The following CAMK1D variants were observed in gnomAD, a reference collection of about 807,000 sequenced individuals.
CAMK1D encodes calcium/calmodulin dependent protein kinase ID, also known as calcium/calmodulin-dependent protein kinase type 1D.
In CAMK1D, 9 loss-of-function variants were observed where a neutral mutation model predicts 47.7. That is an observed-to-expected ratio of 0.19 (90% CI 0.11 to 0.33). CAMK1D has a LOEUF of 0.33. Among genes scored for constraint, CAMK1D ranks in the 10% least tolerant of loss-of-function variants. CAMK1D has a pLI of 1.00. For missense variants in CAMK1D, 291 were observed against 488.7 expected (o/e 0.60, Z 3.81); for synonymous variants, 184 against 184.9 (o/e 0.99, Z 0.04).
chr10:12,359,689 C>G (rs2724769), intron 1 of CAMK1D, among the ~76,000 whole-genome samples: 150,640 of 152,274 alleles, frequency 0.99, 74,528 homozygotes, highest in Non-Finnish European at 1. Context: ...TTGGAAAATT[C>G]CTTGTCTTTC....
chr10:12,666,819 C>T lies in CAMK1D; in HGVS notation c.299+9C>T. 3.7e-6 allele frequency: 6 copies of T among 1,606,996 alleles called. No homozygotes were observed. The highest frequency in any genetic ancestry group is 1.3e-5 in the African/African-American group (1 of 74,774). ...TACTTGGTCATGCAGCTGTAAGTAC[C>T]TTGTTTGATTGATGAGTTTTGAACC... is the stretch of plus-strand genomic sequence containing the variant. On this transcript the variant is annotated intron_variant, in intron 3 of 10. Coordinates refer to ENST00000619168, the MANE Select transcript of CAMK1D (RefSeq NM_153498.4).
intron 2 of CAMK1D, among the ~76,000 whole-genome samples, chr10:12,632,476 A>C (rs1839407696): frequency 6.6e-6 from 1 of 152,228 alleles, no homozygotes; most frequent in African/African-American, 2.4e-5. Flanking sequence ...CCATTGGAAG[A>C]AGCCTGGATT....
chr10:12,714,478 TG>T (rs1485324502), intron 3 of CAMK1D, among the ~76,000 whole-genome samples: 1 of 152,118 alleles, frequency 6.6e-6, no homozygotes, highest in East Asian at 1.9e-4. Flanking sequence ...CCCAGCACTT[TG>T]GGGGGCCAAG....
At chr10:12,563,673 GA>G (rs1588636491) in intron 2 of CAMK1D, among the ~76,000 whole-genome samples, 1 of 92,218 alleles carries the variant, frequency 1.1e-5, no homozygotes, top group Admixed American at 9.7e-5. Context: ...TTGAGAGAGA[GA>G]GAGAGAGAGA....
intron 3 of CAMK1D, among the ~76,000 whole-genome samples, chr10:12,674,599 C>CTTTTTTTTGTTTTTTT (rs1840736736): frequency 1.6e-5 from 1 of 63,472 alleles, no homozygotes; most frequent in Non-Finnish European, 2.8e-5. Flanking sequence ...TGGAAAAATG[C>CTTTTTTTTGTTTTTTT]TTTTTTTTTT....
chr10:12,411,883 T>C lies in CAMK1D; in HGVS notation c.92+61973T>C, dbSNP rs371671888. On this transcript the variant is annotated intron_variant, in intron 1 of 10. Transcript: ENST00000619168. The stretch of plus-strand genomic sequence containing the variant: ...TGCTGGGATTACAGGCATGAGCCAC[T>C]GTGCCCGGACAAGCCTACCTGGCTT... 1.1e-3 allele frequency among the ~76,000 whole-genome samples: 161 copies of C among 151,944 alleles called. 1 individual carries two copies. The highest frequency in any genetic ancestry group is 3.7e-3 in the African/African-American group (152 of 41,436).
At chr10:12,778,057 A>C (rs1285520723) in intron 5 of CAMK1D, among the ~76,000 whole-genome samples, 1 of 152,228 alleles carries the variant, frequency 6.6e-6, no homozygotes, top group Non-Finnish European at 1.5e-5. Context: ...AAATGTGTGA[A>C]TAAAGATGAG....
chr10:12,540,120 G>T (rs1836119533), intron 1 of CAMK1D, among the ~76,000 whole-genome samples: 3 of 151,190 alleles, frequency 2.0e-5, no homozygotes, highest in Non-Finnish European at 1.5e-5. Context: ...GGAGAGTTGG[G>T]GGTCTTGCTC....
chr10:12,774,481 C>T (rs902170133), intron 5 of CAMK1D, among the ~76,000 whole-genome samples: 1 of 152,090 alleles, frequency 6.6e-6, no homozygotes, highest in Non-Finnish European at 1.5e-5. Flanking sequence ...CGGAGAAGTC[C>T]TGAGCAGGGG....
intron 1 of CAMK1D, among the ~76,000 whole-genome samples, chr10:12,389,321 G>C (rs953490434): frequency 2.0e-5 from 3 of 152,186 alleles, no homozygotes; most frequent in African/African-American, 7.2e-5. Flanking sequence ...TCTGCCCATT[G>C]CTCTTGGGAC....
Position 12,831,480 on chromosome 10 carries a change from T to C in CAMK1D, c.*2593T>C, listed in dbSNP as rs1339200256. ...AGCATTTGAAGCTGAGTTCCATTAC[T>C]GGTGATTGAAGTATTTTCAGGAGCA... On this transcript the variant is annotated 3_prime_UTR_variant, in exon 11 of 11. Transcript: ENST00000619168. 1 of 152,266 alleles carries C rather than the reference T, an allele frequency of 6.6e-6. No individual in the cohort carries two copies. Among genetic ancestry groups the C allele is most frequent in the Non-Finnish European group, 1.5e-5 (1 of 68,050 alleles). 9.4% of individuals were successfully genotyped at this position (152,266 alleles called of 1,614,324 possible).
intron 3 of CAMK1D, among the ~76,000 whole-genome samples, chr10:12,756,423 G>C (rs1181142503): frequency 6.6e-6 from 1 of 152,188 alleles, no homozygotes; most frequent in African/African-American, 2.4e-5. Flanking sequence ...TGTCGTCAGA[G>C]CTGAGTTTTA....
intron 5 of CAMK1D, among the ~76,000 whole-genome samples, chr10:12,773,485 GGTATTGTTTTTATTTGTATTATTT>G (rs1837135009): frequency 6.6e-6 from 1 of 152,178 alleles, no homozygotes; most frequent in Non-Finnish European, 1.5e-5. Flanking sequence ...AGTTGTCATA[GGTATTGTTTTTATTTGTATTATTT>G]GTATTGTTTT....
chr10:12,819,813 G>T (rs1175312250), intron 8 of CAMK1D, among the ~76,000 whole-genome samples: 1 of 152,202 alleles, frequency 6.6e-6, no homozygotes, highest in African/African-American at 2.4e-5. Flanking sequence ...TGGCCCAGAG[G>T]AGGGTGACAG....
At chr10:12,721,583 A>G (rs1335975088) in intron 3 of CAMK1D, among the ~76,000 whole-genome samples, 1 of 152,162 alleles carries the variant, frequency 6.6e-6, no homozygotes, top group African/African-American at 2.4e-5. Flanking sequence ...AGCAGCTACT[A>G]GGTGCCAGGG....
At chr10:12,759,338 A>C (rs1381835813) in intron 3 of CAMK1D, among the ~76,000 whole-genome samples, 2 of 152,224 alleles carry the variant, frequency 1.3e-5, no homozygotes, top group East Asian at 3.9e-4. Flanking sequence ...TGGGCTGCAG[A>C]ATGAGACCCT....
chr10:12,722,140 G>T (rs950921219), intron 3 of CAMK1D, among the ~76,000 whole-genome samples: 3 of 152,058 alleles, frequency 2.0e-5, no homozygotes, highest in Non-Finnish European at 4.4e-5. Context: ...GACAGTCCAT[G>T]GTAGACTTTA....
intron 3 of CAMK1D, among the ~76,000 whole-genome samples, chr10:12,693,624 C>A (rs1833022003): frequency 6.6e-6 from 1 of 151,374 alleles, no homozygotes; most frequent in Admixed American, 6.6e-5. Context: ...GGGGTGAGAC[C>A]CTGTCCCCCC....
chr10:12,732,127 A>G (rs1214437287), intron 3 of CAMK1D, among the ~76,000 whole-genome samples: 2 of 152,078 alleles, frequency 1.3e-5, no homozygotes, highest in Non-Finnish European at 2.9e-5. Flanking sequence ...TGTAATCCCA[A>G]CTACTCAGGA....
Sources: allele counts gnomAD v4.1 joint callset (sites outside exome capture counted in the v4.1 genomes callset), GRCh38; gene constraint gnomAD v4.1.1; transcripts MANE v1.5; gene names NCBI Gene and HGNC (gene_info 2026-07-23, HGNC 2026-07-21).